The following CSMD1 variants were observed in gnomAD, a reference collection of about 807,000 sequenced individuals.
The protein encoded by CSMD1 is CUB and sushi domain-containing protein 1.
Under a neutral mutation model 417.5 loss-of-function variants are expected in CSMD1, and 213 were observed. The observed-to-expected ratio is 0.51, with a 90% confidence interval of 0.46 to 0.57. The LOEUF (loss-of-function observed/expected upper bound fraction) is 0.57. Among genes scored for constraint, CSMD1 ranks in the 20% least tolerant of loss-of-function variants. CSMD1 has a pLI of 0.00. For missense variants in CSMD1, 6,923 were observed against 4,529.7 expected, an observed-to-expected ratio of 1.53 and a Z score of -15.17; for synonymous variants, 2,862 against 1,736.8, an observed-to-expected ratio of 1.65 and a Z score of -16.11.
chr8:4,966,320 A>C (rs754072943), intron 1 of CSMD1, among the ~76,000 whole-genome samples: 13 of 152,108 alleles, frequency 8.5e-5, no homozygotes, highest in Non-Finnish European at 1.8e-4. Context: ...CGAAGGTTGC[A>C]GTGAGCCAAG....
intron 1 of CSMD1, among the ~76,000 whole-genome samples, chr8:4,968,424 T>C (rs1263404017): frequency 5.9e-5 from 9 of 152,078 alleles, no homozygotes; most frequent in Admixed American, 1.3e-4. Context: ...CCCAAGCCCC[T>C]GGTAACCACT....
intron 3 of CSMD1, among the ~76,000 whole-genome samples, chr8:4,362,978 A>G (rs963825317): frequency 2.6e-5 from 4 of 152,236 alleles, no homozygotes; most frequent in African/African-American, 4.8e-5. Flanking sequence ...ACTGCTATCA[A>G]CAAACATCTC....
At chr8:4,755,815 T>C (rs1585048674) in intron 1 of CSMD1, among the ~76,000 whole-genome samples, 2 of 152,324 alleles carry the variant, frequency 1.3e-5, no homozygotes, top group East Asian at 3.9e-4. Flanking sequence ...AACGACACTA[T>C]CTTATTGTTA....
At chr8:3,416,302 C>CAAAAA (rs11358404) in intron 12 of CSMD1, among the ~76,000 whole-genome samples, 6 of 58,888 alleles carry the variant, frequency 1.0e-4, no homozygotes, top group East Asian at 1.1e-3. Flanking sequence ...GACTCCGTCT[C>CAAAAA]AAAAAAAAAA....
intron 3 of CSMD1, among the ~76,000 whole-genome samples, chr8:4,189,836 C>G (rs1423906664): frequency 2.0e-5 from 3 of 151,984 alleles, no homozygotes; most frequent in African/African-American, 7.3e-5. Context: ...AAGAGCACAG[C>G]TTTTTAACAT....
At chr8:3,596,207 C>T (rs774693816) in intron 8 of CSMD1, among the ~76,000 whole-genome samples, 3 of 152,112 alleles carry the variant, frequency 2.0e-5, no homozygotes, top group Non-Finnish European at 2.9e-5. Flanking sequence ...GCCTGCACCA[C>T]CGCCCCGGCA....
At chr8:4,939,748 G>C (rs759122371) in intron 1 of CSMD1, among the ~76,000 whole-genome samples, 64 of 152,150 alleles carry the variant, frequency 4.2e-4, no homozygotes, top group Non-Finnish European at 8.7e-4. Context: ...GAGTACGTGT[G>C]GAGTATGCAG....
intron 36 of CSMD1, among the ~76,000 whole-genome samples, chr8:3,181,757 G>A (rs1821342328): frequency 6.6e-6 from 1 of 152,084 alleles, no homozygotes; most frequent in Non-Finnish European, 1.5e-5. Flanking sequence ...GAATATATAG[G>A]GCTATTTTGA....
At chr8:3,363,613 C>A (rs1249031666) in intron 20 of CSMD1, among the ~76,000 whole-genome samples, 1 of 152,084 alleles carries the variant, frequency 6.6e-6, no homozygotes. Flanking sequence ...CTGCAAGCTC[C>A]GCTTCCCGGG....
chr8:3,870,693 A>T (rs1263899297), intron 5 of CSMD1, among the ~76,000 whole-genome samples: 1 of 152,162 alleles, frequency 6.6e-6, no homozygotes, highest in African/African-American at 2.4e-5. Context: ...GTTAAGTATT[A>T]TCTGATTTAT....
chr8:4,666,997 A>C (rs2724964), intron 1 of CSMD1, among the ~76,000 whole-genome samples: 1 of 152,022 alleles, frequency 6.6e-6, no homozygotes, highest in African/African-American at 2.4e-5. Flanking sequence ...TATATGTAAG[A>C]ATATCAATCA....
At chr8:4,632,157 G>A (rs1025195224) in intron 2 of CSMD1, among the ~76,000 whole-genome samples, 4 of 152,170 alleles carry the variant, frequency 2.6e-5, no homozygotes, top group East Asian at 1.9e-4. Context: ...AGTCACGTTG[G>A]GTTCCGTGCA....
At chr8:4,245,729 A>G (rs1341544904) in intron 3 of CSMD1, among the ~76,000 whole-genome samples, 1 of 151,614 alleles carries the variant, frequency 6.6e-6, no homozygotes, top group Non-Finnish European at 1.5e-5. Flanking sequence ...TAAGATATAC[A>G]CTTCTTGGTG....
intron 3 of CSMD1, among the ~76,000 whole-genome samples, chr8:4,352,842 T>C (rs1801175855): frequency 1.3e-5 from 2 of 152,190 alleles, no homozygotes; most frequent in Admixed American, 6.5e-5. Flanking sequence ...CAAACAAGAT[T>C]GGACCTGTTT....
At chr8:4,936,319 A>C (rs936238204) in intron 1 of CSMD1, among the ~76,000 whole-genome samples, 4 of 152,250 alleles carry the variant, frequency 2.6e-5, no homozygotes, top group African/African-American at 9.6e-5. Context: ...TGAATAAACA[A>C]ACAGGGACAG....
intron 1 of CSMD1, among the ~76,000 whole-genome samples, chr8:4,750,824 A>G (rs1265711352): frequency 6.6e-6 from 1 of 152,078 alleles, no homozygotes; most frequent in African/African-American, 2.4e-5. Flanking sequence ...TTTCAGTATC[A>G]AGGGTCTACT....
chr8:4,901,610 T>C (rs1428436587), intron 1 of CSMD1, among the ~76,000 whole-genome samples: 2 of 152,218 alleles, frequency 1.3e-5, no homozygotes, highest in East Asian at 3.9e-4. Flanking sequence ...TATTAGCCTT[T>C]GTCCCCATAC....
chr8:3,603,817 T>G (rs1457868203), intron 8 of CSMD1, among the ~76,000 whole-genome samples: 3 of 152,224 alleles, frequency 2.0e-5, no homozygotes, highest in Non-Finnish European at 2.9e-5. Context: ...GGAATAACAA[T>G]CATAATCCAA....
intron 12 of CSMD1, among the ~76,000 whole-genome samples, chr8:3,432,726 G>T (rs9314489): frequency 1.3e-5 from 2 of 151,966 alleles, no homozygotes. Flanking sequence ...ATGTTGGCCA[G>T]GATGGTCTTG....
Sources: gnomAD v4.1 joint callset for allele counts (sites outside exome capture counted in the v4.1 genomes callset) on GRCh38, gnomAD v4.1.1 for gene constraint, MANE v1.5 for transcripts, NCBI Gene and HGNC (gene_info 2026-07-23, HGNC 2026-07-21) for gene names.